The following KIAA1958 variants were observed in gnomAD, a reference collection of about 807,000 sequenced individuals.
The protein encoded by KIAA1958 is uncharacterized protein KIAA1958.
A neutral mutation model predicts 47.2 loss-of-function variants in KIAA1958; 14 were observed. The observed-to-expected ratio is 0.30, with a 90% confidence interval of 0.20 to 0.46. The LOEUF (loss-of-function observed/expected upper bound fraction) is 0.46, where lower values mean the gene tolerates loss of function less well. Among genes scored for constraint, KIAA1958 ranks in the 20% least tolerant of loss-of-function variants. The pLI, the probability that KIAA1958 is intolerant of heterozygous loss-of-function variation, is 1.00. For missense variants in KIAA1958, 803 were observed against 909.2 expected, an observed-to-expected ratio of 0.88 and a Z score of 1.50; for synonymous variants, 354 against 353.3, an observed-to-expected ratio of 1.00 and a Z score of -0.02.
At chr9:112,629,979 G>A (rs1220209198) in intron 2 of KIAA1958, among the ~76,000 whole-genome samples, 2 of 151,906 alleles carry the variant, frequency 1.3e-5, no homozygotes, top group East Asian at 1.9e-4. Flanking sequence ...GTTAAACCAC[G>A]TTTTGAAAAA....
intron 2 of KIAA1958, among the ~76,000 whole-genome samples, chr9:112,632,498 A>G (rs1454054723): frequency 6.6e-6 from 1 of 152,186 alleles, no homozygotes; most frequent in Non-Finnish European, 1.5e-5. Context: ...TTGGCTGAGA[A>G]TGCAAGCTCC....
chr9:112,613,271 AT>A (rs943283959), intron 2 of KIAA1958, among the ~76,000 whole-genome samples: 131 of 152,332 alleles, frequency 8.6e-4, no homozygotes, highest in African/African-American at 3.0e-3. Flanking sequence ...ATTGAAAAAA[AT>A]CTTAATTTCT....
At chr9:112,557,100 C>T (rs775615633) in intron 1 of KIAA1958, among the ~76,000 whole-genome samples, 106 of 152,138 alleles carry the variant, frequency 7.0e-4, no homozygotes, top group South Asian at 6.2e-4. Context: ...CTGGGACTAA[C>T]GGCACGTACC....
At chr9:112,658,151 C>T (rs578162128) in intron 3 of KIAA1958, among the ~76,000 whole-genome samples, 1 of 152,276 alleles carries the variant, frequency 6.6e-6, no homozygotes. Context: ...GCCACCATGC[C>T]CAGCTTTTTC....
chr9:112,590,767 A>G (rs965003868), intron 2 of KIAA1958, among the ~76,000 whole-genome samples: 1 of 152,194 alleles, frequency 6.6e-6, no homozygotes, highest in Non-Finnish European at 1.5e-5. Context: ...ATTTTGAAAC[A>G]TGTAGTTGGT....
Position 112,592,386 on chromosome 9 carries a change from A to G in KIAA1958, c.1171+17135A>G, listed in dbSNP as rs189519622. ...CCTGTCTCAAAGAAAGAAGCAGTAT[A>G]GCAGTTAAGCATAGAATTTAGATAA... On this transcript the variant is annotated intron_variant, in intron 2 of 3. Coordinates refer to ENST00000337530, the MANE Select transcript of KIAA1958 (RefSeq NM_133465.4). 3.5e-4 allele frequency among the ~76,000 whole-genome samples: 54 copies of G among 152,330 alleles called. 1 individual carries two copies. The East Asian group carries it at 9.1e-3, about 26-fold the overall frequency.
chr9:112,515,838 C>T (rs1834421499), intron 1 of KIAA1958, among the ~76,000 whole-genome samples: 1 of 116,816 alleles, frequency 8.6e-6, no homozygotes, highest in Admixed American at 8.7e-5. Context: ...GTCCCATGAC[C>T]CTGCCAAATC....
In KIAA1958 at chr9:112,574,852, T is replaced by C; in HGVS notation, c.772T>C (p.Ser258Pro). 6.2e-7 allele frequency: 1 copy of C among 1,614,132 alleles called. No homozygotes were observed. The highest frequency in any genetic ancestry group is 8.5e-7 in the Non-Finnish European group (1 of 1,180,020). ...TGCTAAACTGATTCCCCATGTCACATCTGCCATCAGCACGGAGCTAGACCC... is the reference window on the plus strand; with the variant it reads ...TGCTAAACTGATTCCCCATGTCACACCTGCCATCAGCACGGAGCTAGACCC... Reference protein sequence around the residue: ...GSAKLIPHVTSAISTELDPHG... With the variant: ...GSAKLIPHVTPAISTELDPHG... Residue 258 changes from serine to proline, a missense_variant, in exon 2 of 4, where the codon TCT (serine) becomes CCT (proline). By Grantham distance (74) the Ser-to-Pro change is moderately conservative. Around this residue, in one of 2 missense-constraint regions of KIAA1958, gnomAD observed 761 missense variants for 829.3 expected, o/e 0.92. Transcript: ENST00000337530.
chr9:112,521,963 T>TTATTTATTTATG (rs1554721017), intron 1 of KIAA1958, among the ~76,000 whole-genome samples: 1 of 150,414 alleles, frequency 6.6e-6, no homozygotes, highest in Non-Finnish European at 1.5e-5. Flanking sequence ...TTAAATAACT[T>TTATTTATTTATG]TATTTATTTA....
intron 1 of KIAA1958, among the ~76,000 whole-genome samples, chr9:112,564,721 C>T (rs1318489883): frequency 1.3e-5 from 2 of 152,072 alleles, no homozygotes; most frequent in African/African-American, 4.8e-5. Context: ...TCAAAATGTA[C>T]TTACAAATTC....
chr9:112,576,990 A>G (rs992463279), intron 2 of KIAA1958, among the ~76,000 whole-genome samples: 7 of 152,170 alleles, frequency 4.6e-5, no homozygotes, highest in African/African-American at 1.7e-4. Context: ...ACTGCTCCAC[A>G]TTGTCACCAA....
rs555453426 is a variant in KIAA1958 at position 112,663,238 on chromosome 9, TC to T, written c.*3176del. The T allele has an allele frequency of 3.3e-5, 5 of 151,572 alleles. No homozygotes were observed. The highest frequency in any genetic ancestry group is 4.9e-5 in the African/African-American group (2 of 40,992). 9.4% of individuals were successfully genotyped at this position (151,572 alleles called of 1,614,324 possible). A position where few individuals can be genotyped will look rare whatever the true frequency, so the allele number is the denominator to read the frequency against. On this transcript the variant is annotated 3_prime_UTR_variant, in exon 4 of 4. Transcript: ENST00000337530. ...TAAAGGGAGCCCTACTTTCTGTCTA[TC>T]CCCCCCACCGCCGGCCCCCGGAATC...
At chr9:112,598,226 G>T (rs1304083606) in intron 2 of KIAA1958, among the ~76,000 whole-genome samples, 2 of 152,152 alleles carry the variant, frequency 1.3e-5, no homozygotes, top group Non-Finnish European at 2.9e-5. Context: ...CTTTGAGAGC[G>T]AAGATGCCTT....
chr9:112,564,101 T>C (rs1408397675), intron 1 of KIAA1958, among the ~76,000 whole-genome samples: 1 of 152,188 alleles, frequency 6.6e-6, no homozygotes, highest in Non-Finnish European at 1.5e-5. Flanking sequence ...CTTTATTATA[T>C]TGGCTTTGTC....
At chr9:112,656,160 G>GTC (rs1399983439) in intron 3 of KIAA1958, among the ~76,000 whole-genome samples, 4 of 152,060 alleles carry the variant, frequency 2.6e-5, no homozygotes, top group African/African-American at 9.7e-5. Flanking sequence ...ATCGCTTGAG[G>GTC]TCAAGAGTTT....
chr9:112,489,256 A>G (rs967403544), intron 1 of KIAA1958, among the ~76,000 whole-genome samples: 2 of 152,244 alleles, frequency 1.3e-5, no homozygotes, highest in South Asian at 4.1e-4. Flanking sequence ...TTTAAAAAAG[A>G]TAAGCTAACG....
rs113641119 is a variant in KIAA1958, at chr9:112,575,754, A to G, written c.1171+503A>G. Among the ~76,000 whole-genome samples, 254 of 152,292 alleles carry G rather than the reference A, an allele frequency of 1.7e-3. 3 individuals carry two copies. The highest frequency in any genetic ancestry group is 6.0e-3 in the African/African-American group (251 of 41,546). Reference sequence around the variant, plus strand: ...ATAAGTATTTTAAAAAGCAATGTACATTTCTAAAAGAGGTATTTGATCTTT... The same window carrying G: ...ATAAGTATTTTAAAAAGCAATGTACGTTTCTAAAAGAGGTATTTGATCTTT... On this transcript the variant is annotated intron_variant, in intron 2 of 3. Transcript: ENST00000337530.
At chr9:112,539,234 A>C (rs980256495) in intron 1 of KIAA1958, among the ~76,000 whole-genome samples, 2 of 152,208 alleles carry the variant, frequency 1.3e-5, no homozygotes. Flanking sequence ...TCCACATAAA[A>C]ACTTGTGTGT....
rs139409801 is a variant in KIAA1958, at chr9:112,600,389, T to A, written c.1171+25138T>A. Among the ~76,000 whole-genome samples the A allele has an allele frequency of 1.2e-4, 19 of 152,300 alleles. No homozygotes were observed. The East Asian group carries it at 2.7e-3, about 22-fold the overall frequency. On this transcript the variant is annotated intron_variant, in intron 2 of 3. Transcript: ENST00000337530. ...TCACACCTGCAATGTTACGTCTCTT[T>A]TTGAGGGGAAGGAACCATTGAGGAA...
Sources: allele counts gnomAD v4.1 joint callset (sites outside exome capture counted in the v4.1 genomes callset), GRCh38; gene constraint gnomAD v4.1.1; regional missense constraint gnomAD v4.1.1; transcripts MANE v1.5; gene names NCBI Gene and HGNC (gene_info 2026-07-23, HGNC 2026-07-21).